PIEZO2: variants seen among roughly 807,000 people sequenced by gnomAD.
PIEZO2 encodes piezo type mechanosensitive ion channel component 2.
In PIEZO2, 172 loss-of-function variants were observed where a neutral mutation model predicts 337.3. The observed-to-expected ratio is 0.51, with a 90% CI of 0.45 to 0.58. PIEZO2 has a LOEUF of 0.58. Ranked by LOEUF, PIEZO2 falls within the 20% of genes least tolerant of loss-of-function variation. The probability of loss-of-function intolerance (pLI) is 0.00; values close to 1 mark genes in which losing one functional copy is unlikely to be tolerated. For synonymous variants in PIEZO2, 1,251 were observed against 1,228.5 expected, an observed-to-expected ratio of 1.02 and a Z score of -0.38; for missense variants, 3,028 against 3,391.3, an observed-to-expected ratio of 0.89 and a Z score of 2.66.
chr18:10,843,630 G>A (rs1349992609), intron 7 of PIEZO2, among the ~76,000 whole-genome samples: 1 of 152,184 alleles, frequency 6.6e-6, no homozygotes, highest in African/African-American at 2.4e-5. Flanking sequence ...AAGACTAAAT[G>A]TAGAAAGGGT....
At chr18:11,008,379 T>C (rs889236527) in intron 2 of PIEZO2, among the ~76,000 whole-genome samples, 1 of 152,170 alleles carries the variant, frequency 6.6e-6, no homozygotes, top group Non-Finnish European at 1.5e-5. Flanking sequence ...CCCAAACATA[T>C]GCCCTTGTCT....
rs564341523 is a variant in PIEZO2, at chr18:11,069,069, G to T, written c.65-2847C>A. Among the ~76,000 whole-genome samples the T allele has an allele frequency of 1.5e-4, 22 of 151,594 alleles. No individual in the cohort carries two copies. Among genetic ancestry groups the T allele is most frequent in the Non-Finnish European group, 2.9e-4 (20 of 67,982 alleles). On this transcript the variant is annotated intron_variant, in intron 1 of 55. Transcript: ENST00000674853. The surrounding 1 kb of genome is among the most constrained non-coding windows in gnomAD (Gnocchi z 4.9). ...AAAATAAATGAATAAATAAATAAAA[G>T]CCCAGGACCTCATGAATTCTACCAA...
intron 2 of PIEZO2, among the ~76,000 whole-genome samples, chr18:11,013,027 G>T (rs1173860222): frequency 6.6e-6 from 1 of 152,146 alleles, no homozygotes; most frequent in Non-Finnish European, 1.5e-5. Context: ...CTGGGCAACA[G>T]AGTGAGACCC....
rs1055391832 is a variant in PIEZO2, at chr18:10,993,847, T to C, written c.161-14187A>G. Among the ~76,000 whole-genome samples the C allele has an allele frequency of 1.4e-4, 22 of 151,914 alleles. No homozygotes were observed. The highest frequency in any genetic ancestry group is 4.6e-4 in the African/African-American group (19 of 41,244). On this transcript the variant is annotated intron_variant, in intron 2 of 55. Transcript: ENST00000674853. This position sits in a 1 kb window ranked among gnomAD's most constrained non-coding sequence, Gnocchi z 5.0. ...TGGCCATGTCTCTGCTTTTTTTTTA[T>C]TATTAATTTTAAAATTTTTCATTTC... is the stretch of plus-strand genomic sequence containing the variant.
chr18:10,932,415 A>G (rs1699418727), intron 3 of PIEZO2, among the ~76,000 whole-genome samples: 1 of 151,968 alleles, frequency 6.6e-6, no homozygotes, highest in African/African-American at 2.4e-5. Flanking sequence ...AAAACAAAAA[A>G]CCCACATCAT....
chr18:11,062,882 C>A (rs1369826571), intron 2 of PIEZO2, among the ~76,000 whole-genome samples: 1 of 152,128 alleles, frequency 6.6e-6, no homozygotes, highest in East Asian at 1.9e-4. Context: ...ACTAGAAATA[C>A]CATTTGACAC....
At chr18:10,913,226 A>G (rs2030636656) in intron 3 of PIEZO2, among the ~76,000 whole-genome samples, 1 of 152,190 alleles carries the variant, frequency 6.6e-6, no homozygotes. Context: ...CTGCCCCTGA[A>G]ATCCTAGCAA....
chr18:10,762,905 C>T lies in PIEZO2; in HGVS notation c.3123+17G>A. The T allele has an allele frequency of 3.3e-6, 5 of 1,534,566 alleles. No individual in the cohort carries two copies. The highest frequency in any genetic ancestry group is 4.4e-6 in the Non-Finnish European group (5 of 1,145,268). Reference sequence around the variant, plus strand: ...CTAAAGGGCAGTCAGGAATATTCCCCCATCACCGAGGCTCACCAAGGAACA... The same window carrying T: ...CTAAAGGGCAGTCAGGAATATTCCCTCATCACCGAGGCTCACCAAGGAACA... On this transcript the variant is annotated intron_variant, in intron 22 of 55. Coordinates refer to ENST00000674853, the MANE Select transcript of PIEZO2 (RefSeq NM_001378183.1).
In PIEZO2 at chr18:10,800,401, G is replaced by A. The variant is rs866258763; in HGVS notation, c.1314C>T (p.Gly438=). Residue 438 remains glycine, a synonymous_variant, in exon 11 of 56, where the codon GGC becomes GGT. Transcript: ENST00000674853. The stretch of plus-strand genomic sequence containing the variant: ...TGGAGTAGAGGTCGGCTTTGCCAGG[G>A]CCGTTCTCCATGGGCAGGCTTGGGT... ...TIHPSLPMEN[G]PGKADLYSTP... 6.5e-7 allele frequency: 1 copy of A among 1,536,328 alleles called. No individual in the cohort carries two copies. Among genetic ancestry groups the A allele is most frequent in the African/African-American group, 1.4e-5 (1 of 73,116 alleles).
At position 10,783,105 on chromosome 18, in the gene PIEZO2, T is replaced by C. The variant is rs1183046827; in HGVS notation, c.2492+1679A>G. Among the ~76,000 whole-genome samples the C allele has an allele frequency of 6.6e-6, 1 of 151,206 alleles. No homozygotes were observed. The highest frequency in any genetic ancestry group is 1.9e-4 in the East Asian group (1 of 5,162). ...AGGCACTTTTAGTGAGAAAAAAAAA[T>C]GAATATGCAAGAGAAGAAATGGCAT... On this transcript the variant is annotated intron_variant, in intron 17 of 55. Coordinates refer to ENST00000674853, the MANE Select transcript of PIEZO2 (RefSeq NM_001378183.1). The surrounding 1 kb of genome is among the most constrained non-coding windows in gnomAD (Gnocchi z 4.3).
intron 1 of PIEZO2, among the ~76,000 whole-genome samples, chr18:11,139,870 C>T (rs992968517): frequency 7.2e-5 from 11 of 152,100 alleles, no homozygotes; most frequent in East Asian, 1.9e-4. Flanking sequence ...TTATACAGAT[C>T]GAGTCAGAAT....
chr18:10,778,655 TA>T (rs2038875051), intron 18 of PIEZO2, among the ~76,000 whole-genome samples: 1 of 152,206 alleles, frequency 6.6e-6, no homozygotes, highest in African/African-American at 2.4e-5. Flanking sequence ...AACATGTTTA[TA>T]TTCACACAAA....
chr18:10,784,786 G>A lies in PIEZO2; in HGVS notation c.2490C>T (p.Tyr830=). 1 of 1,535,692 alleles carries A rather than the reference G, an allele frequency of 6.5e-7. No homozygotes were observed. Among genetic ancestry groups the A allele is most frequent in the Admixed American group, 2.0e-5 (1 of 50,852 alleles). Residue 830 remains tyrosine, a splice_region_variant and synonymous_variant, in exon 17 of 56, where the codon TAC becomes TAT. Transcript: ENST00000674853. The surrounding 1 kb of genome is among the most constrained non-coding windows in gnomAD (Gnocchi z 4.5). ...CTGTGTTTCTTCCAGTGGCTCACCT[G>A]TAGATGGTGTTGTCTTCTTTGCTGG... is the stretch of plus-strand genomic sequence containing the variant. ...SIPSKEDNTI[Y]SHAKVNGRVY...
At chr18:11,108,150 T>C (rs559988507) in intron 1 of PIEZO2, among the ~76,000 whole-genome samples, 128 of 152,298 alleles carry the variant, frequency 8.4e-4, no homozygotes, top group African/African-American at 2.8e-3. Flanking sequence ...AACATCAATA[T>C]GCTCTGCATT....
intron 1 of PIEZO2, among the ~76,000 whole-genome samples, chr18:11,114,024 A>G (rs1259702577): frequency 1.3e-5 from 2 of 152,282 alleles, no homozygotes; most frequent in Non-Finnish European, 2.9e-5. Flanking sequence ...AGTTCACTAC[A>G]TTAATGTAAT....
intron 3 of PIEZO2, among the ~76,000 whole-genome samples, chr18:10,928,973 T>C (rs1342785069): frequency 2.0e-5 from 3 of 152,232 alleles, no homozygotes; most frequent in African/African-American, 7.2e-5. Context: ...CCCTGTTTAA[T>C]GGTTTAATTC....
chr18:10,705,099 T>C (rs1351029160), intron 41 of PIEZO2, among the ~76,000 whole-genome samples: 1 of 152,192 alleles, frequency 6.6e-6, no homozygotes, highest in Non-Finnish European at 1.5e-5. Context: ...TATCAGACCT[T>C]ATTATAGAAA....
intron 48 of PIEZO2, among the ~76,000 whole-genome samples, chr18:10,690,441 G>C (rs2034763098): frequency 6.6e-6 from 1 of 152,176 alleles, no homozygotes; most frequent in Non-Finnish European, 1.5e-5. Context: ...GGCCCTCACA[G>C]CAGTGTGGAT....
intron 2 of PIEZO2, among the ~76,000 whole-genome samples, chr18:11,039,302 T>C (rs1484655016): frequency 6.6e-6 from 1 of 152,100 alleles, no homozygotes; most frequent in African/African-American, 2.4e-5. Context: ...GAACATTCTG[T>C]AGGCAGAAAG....
Sources: allele counts gnomAD v4.1 joint callset (sites outside exome capture counted in the v4.1 genomes callset), GRCh38; gene constraint gnomAD v4.1.1; non-coding constraint Gnocchi (gnomAD v3.1); transcripts MANE v1.5; gene names NCBI Gene and HGNC (gene_info 2026-07-23, HGNC 2026-07-21).